The following PCDHA4 variants were observed in gnomAD, a reference collection of about 807,000 sequenced individuals.
PCDHA4 encodes protocadherin alpha 4.
Under a neutral mutation model 61.4 loss-of-function variants are expected in PCDHA4, and 49 were observed. The ratio of observed to expected loss-of-function variants is 0.80; its 90% CI spans 0.63 to 1.01. The LOEUF (loss-of-function observed/expected upper bound fraction) is 1.01, where lower values mean the gene tolerates loss of function less well. Ranked by LOEUF, PCDHA4 falls within the 50% of genes least tolerant of loss-of-function variation. The pLI, the probability that PCDHA4 is intolerant of heterozygous loss-of-function variation, is 0.00. For missense variants in PCDHA4, 1,254 were observed against 1,235.8 expected, an observed-to-expected ratio of 1.01 and a Z score of -0.22; for synonymous variants, 590 against 550.3, an observed-to-expected ratio of 1.07 and a Z score of -1.01.
intron 1 of PCDHA4, among the ~76,000 whole-genome samples, chr5:140,917,501 A>G (rs557906425): frequency 6.6e-6 from 1 of 152,020 alleles, no homozygotes; most frequent in East Asian, 1.9e-4. Context: ...CCAGAATGAT[A>G]TTTTCTAGGT....
rs191251073 is a variant in PCDHA4, at chr5:140,928,748, G to C, written c.2386-50201G>C. ...ATTTCAGCCAATATAGGTGAGCTCCGTACTGCTCGCTTAGTTCTTCCCACT... is the reference window on the plus strand; with the variant it reads ...ATTTCAGCCAATATAGGTGAGCTCCCTACTGCTCGCTTAGTTCTTCCCACT... On this transcript the variant is annotated intron_variant, in intron 1 of 3. Coordinates refer to ENST00000530339, the MANE Select transcript of PCDHA4 (RefSeq NM_018907.4). The C allele has an allele frequency of 1.9e-6, 3 of 1,614,114 alleles. No individual in the cohort carries two copies. In the Admixed American group the frequency reaches 5.0e-5, roughly 27 times the overall value.
chr5:140,927,037 G>T lies in PCDHA4; in HGVS notation c.2386-51912G>T, dbSNP rs782765718. On this transcript the variant is annotated intron_variant, in intron 1 of 3. Coordinates refer to ENST00000530339, the MANE Select transcript of PCDHA4 (RefSeq NM_018907.4). ...CGCGGACTTGAGGCTGCCAGCGGCC[G>T]CTATGTCCTCGCGGAACTTTCGCTT... The T allele has an allele frequency of 3.7e-6, 6 of 1,612,000 alleles. No homozygotes were observed. The Admixed American group carries it at 6.7e-5, about 18-fold the overall frequency.
chr5:140,870,221 T>C (rs1554163925), intron 1 of PCDHA4: 2 of 1,614,012 alleles, frequency 1.2e-6, no homozygotes, highest in Admixed American at 3.3e-5. Context: ...CTGATCAGCG[T>C]GTCTGACCGT....
At chr5:140,978,246 C>G (rs1243560833) in intron 1 of PCDHA4, among the ~76,000 whole-genome samples, 1 of 152,148 alleles carries the variant, frequency 6.6e-6, no homozygotes, top group Admixed American at 6.5e-5. Context: ...TCAGCTACTC[C>G]CTGTTAAACA....
chr5:140,902,180 A>G (rs991898675), intron 1 of PCDHA4, among the ~76,000 whole-genome samples: 2 of 140,608 alleles, frequency 1.4e-5, no homozygotes, highest in East Asian at 4.1e-4. Context: ...GATGTCCTTT[A>G]TGTCTTCTCT....
chr5:140,843,164 G>T, intron 1 of PCDHA4: 1 of 1,596,104 alleles, frequency 6.3e-7, no homozygotes. Flanking sequence ...GCAGCCAGCT[G>T]CAAGCAGCCC....
chr5:140,862,720 G>T (rs558152493), intron 1 of PCDHA4: 18 of 566,048 alleles, frequency 3.2e-5, no homozygotes, highest in Non-Finnish European at 6.2e-5. Flanking sequence ...GGGCGAGTGC[G>T]CGCTGTCTAG....
chr5:140,997,559 T>A (rs550494855), intron 3 of PCDHA4, among the ~76,000 whole-genome samples: 2 of 152,148 alleles, frequency 1.3e-5, no homozygotes, highest in South Asian at 4.1e-4. Flanking sequence ...ACAGGACAAC[T>A]GTCATATGTG....
In PCDHA4 at chr5:140,809,506, C is replaced by A; in HGVS notation, c.2319C>A (p.Ser773Arg). 6.2e-7 allele frequency: 1 copy of A among 1,614,206 alleles called. No individual in the cohort carries two copies. The highest frequency in any genetic ancestry group is 1.3e-5 in the African/African-American group (1 of 75,066). ...GPPKTDLMAFSPSLPDSRDRE... is the reference protein window; with the variant it reads ...GPPKTDLMAFRPSLPDSRDRE... ...CCAAGACCGACCTCATGGCCTTCAG[C>A]CCCAGTTTACCTGACTCTAGGGACA... The change falls in exon 1 of 4, where the codon AGC becomes AGA. Residue 773 changes from serine to arginine, a missense_variant. By Grantham distance (110) the Ser-to-Arg change is moderately radical (BLOSUM62 -1). Transcript: ENST00000530339.
At chr5:140,976,782 A>G (rs1209900673) in intron 1 of PCDHA4, among the ~76,000 whole-genome samples, 1 of 152,212 alleles carries the variant, frequency 6.6e-6, no homozygotes, top group African/African-American at 2.4e-5. Flanking sequence ...CTGACTATAT[A>G]GCTACGCTTT....
chr5:140,981,881 C>G (rs138571007), intron 2 of PCDHA4, among the ~76,000 whole-genome samples: 1 of 152,158 alleles, frequency 6.6e-6, no homozygotes, highest in Non-Finnish European at 1.5e-5. Context: ...CTGAATTAAT[C>G]TCTTCTGAGC....
Position 140,856,487 on chromosome 5 carries a change from C to G in PCDHA4, c.2385+46915C>G, listed in dbSNP as rs1171656977. Reference sequence around the variant, plus strand: ...GCTCTCAATACCTGAATCCAGACTGCTTGACTCTCGATTTCCACTAGAAGG... The same window carrying G: ...GCTCTCAATACCTGAATCCAGACTGGTTGACTCTCGATTTCCACTAGAAGG... On this transcript the variant is annotated intron_variant, in intron 1 of 3. Coordinates refer to ENST00000530339, the MANE Select transcript of PCDHA4 (RefSeq NM_018907.4). 4 of 1,598,200 alleles carry G rather than the reference C, an allele frequency of 2.5e-6. No homozygotes were observed. The African/African-American group carries it at 5.4e-5, about 22-fold the overall frequency.
intron 1 of PCDHA4, chr5:140,824,356 T>A (rs2150134202): frequency 1.4e-5 from 8 of 579,216 alleles, no homozygotes; most frequent in Non-Finnish European, 2.1e-5. Context: ...TAATATTTTA[T>A]ATTAGCATTT....
intron 1 of PCDHA4, among the ~76,000 whole-genome samples, chr5:140,909,036 C>T (rs2074275767): frequency 6.6e-6 from 1 of 152,162 alleles, no homozygotes; most frequent in Non-Finnish European, 1.5e-5. Flanking sequence ...CATTTATTTT[C>T]CATACTCTGG....
chr5:140,931,585 A>G (rs1170746678), intron 1 of PCDHA4, among the ~76,000 whole-genome samples: 2 of 152,056 alleles, frequency 1.3e-5, no homozygotes, highest in Non-Finnish European at 2.9e-5. Context: ...ATTCAGTTGA[A>G]CAGTCTTTTT....
chr5:140,988,871 A>T (rs1319139244), intron 3 of PCDHA4: 1 of 152,208 alleles, frequency 6.6e-6, no homozygotes, highest in Non-Finnish European at 1.5e-5. Context: ...GTGCACTCAG[A>T]TGTACGATCC....
At chr5:140,843,304 C>G (rs2150356889) in intron 1 of PCDHA4, 4 of 1,595,876 alleles carry the variant, frequency 2.5e-6, no homozygotes, top group Middle Eastern at 1.7e-4. Context: ...CGCTGACCGC[C>G]ACGGCCACGG....
intron 1 of PCDHA4, chr5:140,822,342 C>T (rs1767281192): frequency 6.2e-7 from 1 of 1,613,952 alleles, no homozygotes; most frequent in Admixed American, 1.7e-5. Context: ...AAGAAACGAA[C>T]TTTTTAGAGC....
chr5:140,905,632 G>GCCA (rs2071986222), intron 1 of PCDHA4, among the ~76,000 whole-genome samples: 1 of 152,106 alleles, frequency 6.6e-6, no homozygotes, highest in South Asian at 2.1e-4. Flanking sequence ...TGACAGTATG[G>GCCA]TCAGTTTCAC....
Sources: gnomAD v4.1 joint callset for allele counts (sites outside exome capture counted in the v4.1 genomes callset) on GRCh38, gnomAD v4.1.1 for gene constraint, MANE v1.5 for transcripts, NCBI Gene and HGNC (gene_info 2026-07-23, HGNC 2026-07-21) for gene names.